SAP25: variants seen among roughly 807,000 people sequenced by gnomAD.
SAP25 encodes histone deacetylase complex subunit SAP25.
Under a neutral mutation model 31.5 loss-of-function variants are expected in SAP25, and 24 were observed. The ratio of observed to expected loss-of-function variants is 0.76; its 90% CI spans 0.55 to 1.07. SAP25 has a LOEUF of 1.07. SAP25 is among the 50% of genes least tolerant of loss of function. The pLI, the probability that SAP25 is intolerant of heterozygous loss-of-function variation, is 0.00. For synonymous variants in SAP25, 180 were observed against 186.0 expected, an observed-to-expected ratio of 0.97 and a Z score of 0.26; for missense variants, 377 against 418.8, an observed-to-expected ratio of 0.90 and a Z score of 0.87.
At position 100,572,370 on chromosome 7, in the gene SAP25, G is replaced by A; in HGVS notation, c.811C>T (p.Pro271Ser). 7.2e-7 allele frequency: 1 copy of A among 1,394,534 alleles called. No homozygotes were observed. Among genetic ancestry groups the A allele is most frequent in the Non-Finnish European group, 9.3e-7 (1 of 1,077,528 alleles). The allele number at this position is 1,394,534 out of a possible 1,614,324, so 86.4% of individuals were successfully genotyped here. A position where few individuals can be genotyped will look rare whatever the true frequency, so the allele number is the denominator to read the frequency against. The change falls in exon 6 of 6, where the codon CCA becomes TCA. Residue 271 changes from proline (P) to serine (S), a missense_variant. Pro to Ser is a moderately conservative substitution (Grantham distance 74, BLOSUM62 -1). Transcript: ENST00000622764. This position sits in a 1 kb window ranked among gnomAD's most constrained non-coding sequence, Gnocchi z 4.1. ...AVGPPDHTSDPPSPCGSPSSS... is the reference protein window; with the variant it reads ...AVGPPDHTSDSPSPCGSPSSS... ...CTGGGGCTACCACAGGGGCTGGGTG[G>A]GTCAGAGGTATGGTCTGGGGGGCCA... is the stretch of plus-strand genomic sequence containing the variant.
In SAP25 at chr7:100,573,672, G is replaced by A; in HGVS notation, c.71C>T (p.Ala24Val). Residue 24 changes from alanine (A) to valine (V), a missense_variant, in exon 1 of 6, where the codon GCG (alanine) becomes GTG (valine). Ala to Val is a moderately conservative substitution (Grantham distance 64, BLOSUM62 0). Transcript: ENST00000622764. Reference sequence around the variant, plus strand: ...CCAGGGCTCGCCCTGGTCCTTGCCCGCCGGAAGGCCTGGTCCCTCGGGCGC... The same window carrying A: ...CCAGGGCTCGCCCTGGTCCTTGCCCACCGGAAGGCCTGGTCCCTCGGGCGC... ...EEAPEGPGLP[A>V]GKDQGEPWSA... 5 of 1,230,574 alleles carry A rather than the reference G, an allele frequency of 4.1e-6. No homozygotes were observed. The highest frequency in any genetic ancestry group is 5.1e-6 in the Non-Finnish European group (5 of 987,216). The allele number at this position is 1,230,574 out of a possible 1,614,324, so 76.2% of individuals were successfully genotyped here. A position where few individuals can be genotyped will look rare whatever the true frequency, so the allele number is the denominator to read the frequency against.
In SAP25 at chr7:100,572,990, G is replaced by A. The variant is rs1243658589; in HGVS notation, c.381C>T (p.Ala127=). 3 of 1,499,856 alleles carry A rather than the reference G, an allele frequency of 2.0e-6. No individual in the cohort carries two copies. The highest frequency in any genetic ancestry group is 2.2e-5 in the Admixed American group (1 of 45,216). 92.9% of individuals were successfully genotyped at this position (1,499,856 alleles called of 1,614,324 possible). Residue 127 remains alanine, a synonymous_variant, in exon 4 of 6, where the codon GCC becomes GCT. Transcript: ENST00000622764. This position sits in a 1 kb window ranked among gnomAD's most constrained non-coding sequence, Gnocchi z 4.1. ...PVWGANCSSG[A]SFSGRTLCHP... ...GACACAGCGTCCGGCCTGAGAACGA[G>A]GCTCCTGAGCTACAGTTGGCCCCCT...
Position 100,572,893 on chromosome 7 carries a change from G to A in SAP25, c.478C>T (p.His160Tyr). 1 of 1,467,736 alleles carries A rather than the reference G, an allele frequency of 6.8e-7. No homozygotes were observed. The highest frequency in any genetic ancestry group is 9.0e-7 in the Non-Finnish European group (1 of 1,114,354). The allele number at this position is 1,467,736 out of a possible 1,614,324, so 90.9% of individuals were successfully genotyped here. The part of the protein sequence containing the change: ...GLRPVAPATG[H>Y]WNGQQAPPDA... ...GGGGGCGCCTGCTGTCCATTCCAGT[G>A]CCCTGTGGCAGGGGCCACGGGCCTG... Residue 160 changes from histidine (H) to tyrosine (Y), a missense_variant, in exon 4 of 6, where the codon CAC becomes TAC. Transcript: ENST00000622764. This position sits in a 1 kb window ranked among gnomAD's most constrained non-coding sequence, Gnocchi z 4.1.
Position 100,572,329 on chromosome 7 carries a change from A to G in SAP25, c.852T>C (p.Ala284=). The change falls in exon 6 of 6, where the codon GCT becomes GCC. Residue 284 remains alanine, a synonymous_variant. Transcript: ENST00000622764. This position sits in a 1 kb window ranked among gnomAD's most constrained non-coding sequence, Gnocchi z 4.1. ...CTGGGGTCTGTGGGAGAGAGAGGTC[A>G]GCACCCTGAGAACTGCTGGGGCTAC... ...PCGSPSSSQG[A]DLSLPQTPDT... 7.4e-7 allele frequency: 1 copy of G among 1,356,842 alleles called. No individual in the cohort carries two copies. The highest frequency in any genetic ancestry group is 9.5e-7 in the Non-Finnish European group (1 of 1,057,610). The allele number at this position is 1,356,842 out of a possible 1,614,324, so 84.1% of individuals were successfully genotyped here.
At position 100,573,024 on chromosome 7, in the gene SAP25, G is replaced by A. The variant is rs201295622; in HGVS notation, c.358-11C>T. 5 of 1,489,348 alleles carry A rather than the reference G, an allele frequency of 3.4e-6. No individual in the cohort carries two copies. The African/African-American group carries it at 5.6e-5, about 17-fold the overall frequency. 92.3% of individuals were successfully genotyped at this position (1,489,348 alleles called of 1,614,324 possible). A position where few individuals can be genotyped will look rare whatever the true frequency, so the allele number is the denominator to read the frequency against. ...GCTACAGTTGGCCCCCTAGGGTGAGGAGGACAGAGCACTGGAGCCTCAGGC... is the reference window on the plus strand; with the variant it reads ...GCTACAGTTGGCCCCCTAGGGTGAGAAGGACAGAGCACTGGAGCCTCAGGC... On this transcript the variant is annotated splice_polypyrimidine_tract_variant and intron_variant, in intron 3 of 5. Coordinates refer to ENST00000622764, the MANE Select transcript of SAP25 (RefSeq NM_001348680.2).
Position 100,573,752 on chromosome 7 carries a change from C to T in SAP25, c.-10G>A. The T allele has an allele frequency of 8.2e-7, 1 of 1,212,500 alleles. No homozygotes were observed. The highest frequency in any genetic ancestry group is 1.0e-6 in the Non-Finnish European group (1 of 975,666). 75.1% of individuals were successfully genotyped at this position (1,212,500 alleles called of 1,614,324 possible). A position where few individuals can be genotyped will look rare whatever the true frequency, so the allele number is the denominator to read the frequency against. On this transcript the variant is annotated 5_prime_UTR_variant, in exon 1 of 6. Transcript: ENST00000622764. ...GCGACCAGGGCAACATTCCGCGTTC[C>T]CGAGCGCAGGACGGTACCGCCGTGT...
Position 100,573,387 on chromosome 7 carries a change from A to AT in SAP25, c.159dup (p.Ser54IlefsTer3). 1 of 1,360,008 alleles carries AT rather than the reference A, an allele frequency of 7.4e-7. No individual in the cohort carries two copies. The highest frequency in any genetic ancestry group is 9.5e-7 in the Non-Finnish European group (1 of 1,054,382). 84.2% of individuals were successfully genotyped at this position (1,360,008 alleles called of 1,614,324 possible). A position where few individuals can be genotyped will look rare whatever the true frequency, so the allele number is the denominator to read the frequency against. Reference sequence around the variant, plus strand: ...CTCCAGATCCAGGAAGGGCTACGGGATGGGGGCTGTGGGCTGGAGGGGCAG... The same window carrying AT: ...CTCCAGATCCAGGAAGGGCTACGGGATTGGGGGCTGTGGGCTGGAGGGGCAG... On this transcript the variant is annotated frameshift_variant, in exon 2 of 6. Coordinates refer to ENST00000622764, the MANE Select transcript of SAP25 (RefSeq NM_001348680.2). LOFTEE classifies it high-confidence loss of function.
chr7:100,573,186 C>A lies in SAP25; in HGVS notation c.277G>T (p.Glu93Ter). The change falls in exon 3 of 6, where the codon GAG becomes TAG. Residue 93 changes from glutamate (E) to a stop codon, truncating the protein, a stop_gained. Transcript: ENST00000622764. LOFTEE classifies it high-confidence loss of function. ...PDPRSPQVAW[E>*]VAPSRMTPLA... ...GGAGTCATCCTCGAGGGGGCCACCT[C>A]CCAGGCCACCTGGGGGGAACGGGGA... is the stretch of plus-strand genomic sequence containing the variant. The A allele has an allele frequency of 6.5e-7, 1 of 1,529,450 alleles. No homozygotes were observed. Among genetic ancestry groups the A allele is most frequent in the Non-Finnish European group, 8.8e-7 (1 of 1,142,620 alleles). The allele number at this position is 1,529,450 out of a possible 1,614,324, so 94.7% of individuals were successfully genotyped here.
At position 100,573,006 on chromosome 7, in the gene SAP25, T is replaced by G. The variant is rs1456468369; in HGVS notation, c.365A>C (p.Asn122Thr). The change falls in exon 4 of 6, where the codon AAC (asparagine) becomes ACC (threonine). Residue 122 changes from asparagine to threonine, a missense_variant. Asn to Thr is a moderately conservative substitution (Grantham distance 65). Transcript: ENST00000622764. ...TGAGAACGAGGCTCCTGAGCTACAG[T>G]TGGCCCCCTAGGGTGAGGAGGACAG... ...KAGPRPVWGA[N>T]CSSGASFSGR... The G allele has an allele frequency of 2.0e-6, 3 of 1,489,312 alleles. No homozygotes were observed. In the African/African-American group the frequency reaches 4.2e-5, roughly 21 times the overall value. The allele number at this position is 1,489,312 out of a possible 1,614,324, so 92.3% of individuals were successfully genotyped here.
Position 100,572,888 on chromosome 7 carries a change from C to T in SAP25, c.483G>A (p.Trp161Ter), listed in dbSNP as rs1198002598. The T allele has an allele frequency of 1.4e-6, 2 of 1,467,782 alleles. No individual in the cohort carries two copies. The highest frequency in any genetic ancestry group is 2.8e-5 in the African/African-American group (2 of 70,356). The allele number at this position is 1,467,782 out of a possible 1,614,324, so 90.9% of individuals were successfully genotyped here. Residue 161 changes from tryptophan (W) to a stop codon, truncating the protein, a stop_gained, in exon 4 of 6, where the codon TGG becomes TGA. Coordinates refer to ENST00000622764, the MANE Select transcript of SAP25 (RefSeq NM_001348680.2). LOFTEE classifies it high-confidence loss of function. The surrounding 1 kb of genome is among the most constrained non-coding windows in gnomAD (Gnocchi z 4.1). ...CATCTGGGGGCGCCTGCTGTCCATTCCAGTGCCCTGTGGCAGGGGCCACGG... is the reference window on the plus strand; with the variant it reads ...CATCTGGGGGCGCCTGCTGTCCATTTCAGTGCCCTGTGGCAGGGGCCACGG... Reference protein sequence around the residue: ...LRPVAPATGHWNGQQAPPDAG... With the variant: ...LRPVAPATGH
In SAP25 at chr7:100,572,733, C is replaced by T; in HGVS notation, c.530G>A (p.Cys177Tyr). ...AGGGTCCGAGAGGAAGACATCTTCA[C>T]AGCACACCACCGGGAACCCTAGGAG... ...PPDAGFPVVCCEDVFLSDPLL... is the reference protein window; with the variant it reads ...PPDAGFPVVCYEDVFLSDPLL... The change falls in exon 5 of 6, where the codon TGT becomes TAT. Residue 177 changes from cysteine to tyrosine, a missense_variant. Coordinates refer to ENST00000622764, the MANE Select transcript of SAP25 (RefSeq NM_001348680.2). The surrounding 1 kb of genome is among the most constrained non-coding windows in gnomAD (Gnocchi z 4.1). 6.5e-7 allele frequency: 1 copy of T among 1,535,576 alleles called. No homozygotes were observed. The highest frequency in any genetic ancestry group is 8.7e-7 in the Non-Finnish European group (1 of 1,146,322).
chr7:100,573,538 G>T, intron 1 of SAP25, 59 bp downstream of exon 1: 1 of 1,228,004 alleles, frequency 8.1e-7, no homozygotes, highest in Non-Finnish European at 1.0e-6. Flanking sequence ...TAGAGCGCGT[G>T]GTGAAGGCAT....
intron 1 of SAP25, 77 bp downstream of exon 1, chr7:100,573,520 A>G: frequency 8.2e-7 from 1 of 1,221,850 alleles, no homozygotes; most frequent in Non-Finnish European, 1.0e-6. Flanking sequence ...ACAATGGAGA[A>G]GCCTCCGTAG....
At position 100,573,089 on chromosome 7, in the gene SAP25, G is replaced by A. The variant is rs1193372376; in HGVS notation, c.357+17C>T. The A allele has an allele frequency of 6.5e-7, 1 of 1,532,450 alleles. No homozygotes were observed. The highest frequency in any genetic ancestry group is 1.2e-5 in the South Asian group (1 of 83,532). 94.9% of individuals were successfully genotyped at this position (1,532,450 alleles called of 1,614,324 possible). A position where few individuals can be genotyped will look rare whatever the true frequency, so the allele number is the denominator to read the frequency against. On this transcript the variant is annotated intron_variant, in intron 3 of 5. Transcript: ENST00000622764. ...CTGAGCACCCCAGCCAGTCCCACAG[G>A]TTTGCCCCCAACTCACCCACACCGG...
Position 100,572,809 on chromosome 7 carries a change from T to A in SAP25, c.511+51A>T. The A allele has an allele frequency of 6.7e-7, 1 of 1,500,190 alleles. No individual in the cohort carries two copies. The highest frequency in any genetic ancestry group is 8.8e-7 in the Non-Finnish European group (1 of 1,130,872). The allele number at this position is 1,500,190 out of a possible 1,614,324, so 92.9% of individuals were successfully genotyped here. A position where few individuals can be genotyped will look rare whatever the true frequency, so the allele number is the denominator to read the frequency against. ...CGGGCTCCCACCCCTGGGCACTGGT[T>A]CCCAGAGGAGTTGGGGCAGCCTTGC... On this transcript the variant is annotated intron_variant, in intron 4 of 5. Transcript: ENST00000622764. The surrounding 1 kb of genome is among the most constrained non-coding windows in gnomAD (Gnocchi z 4.1).
At position 100,572,712 on chromosome 7, in the gene SAP25, T is replaced by TC; in HGVS notation, c.550dup (p.Asp184GlyfsTer73). On this transcript the variant is annotated frameshift_variant, in exon 5 of 6. Transcript: ENST00000622764. LOFTEE classifies it high-confidence loss of function. This position sits in a 1 kb window ranked among gnomAD's most constrained non-coding sequence, Gnocchi z 4.1. The stretch of plus-strand genomic sequence containing the variant: ...ACGCTGCCCCCGGGGCAGCAGAGGG[T>TC]CCGAGAGGAAGACATCTTCACAGCA... 6.5e-7 allele frequency: 1 copy of TC among 1,533,842 alleles called. No individual in the cohort carries two copies. The highest frequency in any genetic ancestry group is 8.7e-7 in the Non-Finnish European group (1 of 1,145,948).
Position 100,572,775 on chromosome 7 carries a change from GGCGGGCT to G in SAP25, c.512-31_512-25del. 6.6e-7 allele frequency: 1 copy of G among 1,518,970 alleles called. No homozygotes were observed. Among genetic ancestry groups the G allele is most frequent in the Non-Finnish European group, 8.8e-7 (1 of 1,139,338 alleles). 94.1% of individuals were successfully genotyped at this position (1,518,970 alleles called of 1,614,324 possible). On this transcript the variant is annotated intron_variant, in intron 4 of 5. Coordinates refer to ENST00000622764, the MANE Select transcript of SAP25 (RefSeq NM_001348680.2). The surrounding 1 kb of genome is among the most constrained non-coding windows in gnomAD (Gnocchi z 4.1). ...CCCTAGGAGGAAACACCACTAGGGT[GGCGGGCT>G]GCGGGCTCCCACCCCTGGGCACTGG...
At chr7:100,573,494 C>T (rs1262233991) in intron 1 of SAP25, 94 bp from the exon 2 acceptor site, 141 of 1,212,628 alleles carry the variant, frequency 1.2e-4, no homozygotes, top group Non-Finnish European at 1.4e-4. Context: ...ACCGAGGGAC[C>T]CAATCTCCAG....
chr7:100,573,306 C>T lies in SAP25; in HGVS notation c.241G>A (p.Gly81Arg), dbSNP rs1584399596. ...LPGPATEQPP[G>R]APDPRSPQVA... ...GCAGGGCCTGTCCTACCTGGGGCTCCGGGGGGCTGCTCAGTGGCCGGGCCT... is the reference window on the plus strand; with the variant it reads ...GCAGGGCCTGTCCTACCTGGGGCTCTGGGGGGCTGCTCAGTGGCCGGGCCT... Residue 81 changes from glycine (G) to arginine (R), a missense_variant, in exon 2 of 6, where the codon GGA becomes AGA. By Grantham distance (125) the Gly-to-Arg change is moderately radical. Transcript: ENST00000622764. 9 of 1,371,744 alleles carry T rather than the reference C, an allele frequency of 6.6e-6. No homozygotes were observed. In the East Asian group the frequency reaches 1.4e-4, roughly 21 times the overall value. 85.0% of individuals were successfully genotyped at this position (1,371,744 alleles called of 1,614,324 possible).
Sources: gnomAD v4.1 joint callset for allele counts on GRCh38, gnomAD v4.1.1 for gene constraint, Gnocchi (gnomAD v3.1) non-coding constraint, MANE v1.5 for transcripts, NCBI Gene and HGNC (gene_info 2026-07-23, HGNC 2026-07-21) for gene names.